Variants in ZCCHC14 observed in about 807,000 individuals in gnomAD.
ZCCHC14 encodes the protein zinc finger CCHC domain-containing protein 14.
Under a neutral mutation model 85.0 loss-of-function variants are expected in ZCCHC14, and 16 were observed. That is an observed-to-expected ratio of 0.19 (90% CI 0.13 to 0.29). The LOEUF (loss-of-function observed/expected upper bound fraction) is 0.29, where lower values mean the gene tolerates loss of function less well. Among genes scored for constraint, ZCCHC14 ranks in the 10% least tolerant of loss-of-function variants. The pLI is 1.00. For synonymous variants in ZCCHC14, 775 were observed against 630.7 expected, an observed-to-expected ratio of 1.23 and a Z score of -3.43; for missense variants, 1,303 against 1,443.5, an observed-to-expected ratio of 0.90 and a Z score of 1.58.
chr16:87,450,541 G>C (rs941204433), intron 2 of ZCCHC14, among the ~76,000 whole-genome samples: 1 of 151,384 alleles, frequency 6.6e-6, no homozygotes, highest in African/African-American at 2.4e-5. Flanking sequence ...GTGAGTAATT[G>C]GGAAAACATA....
chr16:87,468,944 C>T lies in ZCCHC14; in HGVS notation c.571-8813G>A, dbSNP rs1911658303. The stretch of plus-strand genomic sequence containing the variant: ...GGAATACCTGGGAGCTGGCAAACGA[C>T]GCAGGCTGAGAAAGCCAGGTCTAGA... On this transcript the variant is annotated intron_variant, in intron 1 of 12. Coordinates refer to ENST00000671377, the MANE Select transcript of ZCCHC14 (RefSeq NM_015144.3). Among the ~76,000 whole-genome samples, 3 of 152,134 alleles carry T rather than the reference C, an allele frequency of 2.0e-5. No individual in the cohort carries two copies. In the East Asian group the frequency reaches 5.8e-4, roughly 29 times the overall value.
rs1391724629 is a variant in ZCCHC14, at chr16:87,492,917, G to GCGACGGCGACGGCGA, written c.-680_-679insTCGCCGTCGCCGTCG. Among the ~76,000 whole-genome samples the GCGACGGCGACGGCGA allele has an allele frequency of 1.0e-4, 15 of 145,240 alleles. No individual in the cohort carries two copies. Among genetic ancestry groups the GCGACGGCGACGGCGA allele is most frequent in the African/African-American group, 3.8e-4 (15 of 38,976 alleles). On this transcript the variant is annotated 5_prime_UTR_variant, in exon 1 of 13. Coordinates refer to ENST00000671377, the MANE Select transcript of ZCCHC14 (RefSeq NM_015144.3). The surrounding 1 kb of genome is among the most constrained non-coding windows in gnomAD (Gnocchi z 6.7). ...GGATCCGGGCCCGAGCGCGGCGGCG[G>GCGACGGCGACGGCGA]CGGCGACGGCGACGGCGACGGCGAC... is the stretch of plus-strand genomic sequence containing the variant.
At chr16:87,418,543 G>C (rs983749822) in intron 7 of ZCCHC14, among the ~76,000 whole-genome samples, 3 of 152,212 alleles carry the variant, frequency 2.0e-5, no homozygotes, top group Non-Finnish European at 4.4e-5. Context: ...TCAGGAGCAC[G>C]ACCCTATGCT....
intron 1 of ZCCHC14, among the ~76,000 whole-genome samples, chr16:87,489,349 G>A: frequency 6.6e-6 from 1 of 152,266 alleles, no homozygotes; most frequent in African/African-American, 2.4e-5. Context: ...AAAATTGTCA[G>A]CTCCAAGTAA....
rs1260437862 is a variant in ZCCHC14, at chr16:87,483,933, G to T, written c.570+7736C>A. ...TGCACTGGTTTGTAATAATACGATG[G>T]AACAAAATGTTATCTATAGGGCCTG... On this transcript the variant is annotated intron_variant, in intron 1 of 12. Transcript: ENST00000671377. Among the ~76,000 whole-genome samples, 3 of 152,286 alleles carry T rather than the reference G, an allele frequency of 2.0e-5. No individual in the cohort carries two copies. In the East Asian group the frequency reaches 5.8e-4, roughly 29 times the overall value.
intron 8 of ZCCHC14, among the ~76,000 whole-genome samples, chr16:87,416,670 C>G (rs544317893): frequency 1.0e-3 from 155 of 152,184 alleles, no homozygotes; most frequent in African/African-American, 3.6e-3. Context: ...GCAGGAGAAT[C>G]GCTTGAACCC....
chr16:87,423,710 G>C lies in ZCCHC14; in HGVS notation c.840+100C>G. 4 of 1,365,926 alleles carry C rather than the reference G, an allele frequency of 2.9e-6. No individual in the cohort carries two copies. In the Admixed American group the frequency reaches 7.4e-5, roughly 25 times the overall value. 84.6% of individuals were successfully genotyped at this position (1,365,926 alleles called of 1,614,324 possible). A position where few individuals can be genotyped will look rare whatever the true frequency, so the allele number is the denominator to read the frequency against. Reference sequence around the variant, plus strand: ...GGCCCCGCCCTGCGCACGCTCACTCGCTAGCTGAAGGGAGTGGCCTCTGAA... The same window carrying C: ...GGCCCCGCCCTGCGCACGCTCACTCCCTAGCTGAAGGGAGTGGCCTCTGAA... On this transcript the variant is annotated intron_variant, in intron 4 of 12. Transcript: ENST00000671377.
At chr16:87,457,048 C>A (rs1320447521) in intron 2 of ZCCHC14, among the ~76,000 whole-genome samples, 1 of 152,190 alleles carries the variant, frequency 6.6e-6, no homozygotes, top group African/African-American at 2.4e-5. Context: ...ATCATCAACA[C>A]AGGGACTGGA....
At chr16:87,446,044 G>A (rs1298736472) in intron 2 of ZCCHC14, among the ~76,000 whole-genome samples, 1 of 151,938 alleles carries the variant, frequency 6.6e-6, no homozygotes, top group Non-Finnish European at 1.5e-5. Context: ...GCACATGCCT[G>A]TAGTCCCAGC....
chr16:87,411,413 T>G (rs1436995068), intron 12 of ZCCHC14, 103 bp downstream of exon 12: 2 of 1,535,232 alleles, frequency 1.3e-6, no homozygotes, highest in Non-Finnish European at 1.7e-6. Context: ...TTCGAAAAAT[T>G]ATTTGCTTTA....
chr16:87,437,703 C>T lies in ZCCHC14; in HGVS notation c.695-4502G>A, dbSNP rs565854032. On this transcript the variant is annotated intron_variant, in intron 2 of 12. Coordinates refer to ENST00000671377, the MANE Select transcript of ZCCHC14 (RefSeq NM_015144.3). Reference sequence around the variant, plus strand: ...TGTCTGTTCAAACCTTTCTTCTTTTCTCATTCCAGGTACACAACAGGCATT... The same window carrying T: ...TGTCTGTTCAAACCTTTCTTCTTTTTTCATTCCAGGTACACAACAGGCATT... 9.2e-5 allele frequency among the ~76,000 whole-genome samples: 14 copies of T among 152,374 alleles called. 1 individual carries two copies. In the East Asian group the frequency reaches 1.3e-3, roughly 15 times the overall value.
At chr16:87,419,286 G>A (rs1236582231) in intron 6 of ZCCHC14, among the ~76,000 whole-genome samples, 6 of 150,282 alleles carry the variant, frequency 4.0e-5, no homozygotes, top group Admixed American at 2.0e-4. Context: ...CTGCCACCAC[G>A]CCCGGCTAAT....
chr16:87,426,204 G>A (rs756434292), intron 3 of ZCCHC14, among the ~76,000 whole-genome samples: 6 of 152,290 alleles, frequency 3.9e-5, no homozygotes, highest in Admixed American at 6.5e-5. Flanking sequence ...CTCACCTGCC[G>A]ACTTGCCCCA....
chr16:87,454,695 T>C (rs1261691037), intron 2 of ZCCHC14, among the ~76,000 whole-genome samples: 1 of 152,238 alleles, frequency 6.6e-6, no homozygotes, highest in Non-Finnish European at 1.5e-5. Flanking sequence ...GCAGTGGGAA[T>C]AGTAAATAGT....
chr16:87,469,470 C>G (rs1386615773), intron 1 of ZCCHC14, among the ~76,000 whole-genome samples: 1 of 152,226 alleles, frequency 6.6e-6, no homozygotes, highest in Non-Finnish European at 1.5e-5. Context: ...GCGAGCGGAG[C>G]ACAGCGGTCA....
At chr16:87,425,150 C>T (rs141114466) in intron 3 of ZCCHC14, among the ~76,000 whole-genome samples, 42 of 152,158 alleles carry the variant, frequency 2.8e-4, no homozygotes, top group African/African-American at 9.4e-4. Flanking sequence ...ACAGGCCAGT[C>T]GAGGAAAGGG....
intron 1 of ZCCHC14, among the ~76,000 whole-genome samples, chr16:87,468,786 T>TA (rs1488989011): frequency 6.6e-6 from 1 of 152,048 alleles, no homozygotes; most frequent in Non-Finnish European, 1.5e-5. Context: ...GCGATGCTGT[T>TA]AAACATCCTG....
intron 1 of ZCCHC14, among the ~76,000 whole-genome samples, chr16:87,481,617 G>A (rs369363570): frequency 1.4e-5 from 2 of 147,084 alleles, no homozygotes; most frequent in Non-Finnish European, 3.0e-5. Flanking sequence ...AAGAAAGGGA[G>A]ACCCTGAGGG....
chr16:87,473,681 C>G (rs1911876865), intron 1 of ZCCHC14: 1 of 152,074 alleles, frequency 6.6e-6, no homozygotes, highest in Non-Finnish European at 1.5e-5. Context: ...ATTCAGCTCC[C>G]TGAGATGGAC....
Sources: allele counts gnomAD v4.1 joint callset (sites outside exome capture counted in the v4.1 genomes callset), GRCh38; gene constraint gnomAD v4.1.1; non-coding constraint Gnocchi (gnomAD v3.1); transcripts MANE v1.5; gene names NCBI Gene and HGNC (gene_info 2026-07-23, HGNC 2026-07-21).